The following MYO6 variants were observed in gnomAD, a reference collection of about 807,000 sequenced individuals.
MYO6 encodes the protein unconventional myosin-VI.
A neutral mutation model predicts 178.7 loss-of-function variants in MYO6; 74 were observed. The observed-to-expected ratio is 0.41, with a 90% CI of 0.34 to 0.50. The LOEUF is 0.50. Ranked by LOEUF, MYO6 falls within the 20% of genes least tolerant of loss-of-function variation. The pLI is 0.09. For synonymous variants in MYO6, 477 were observed against 504.6 expected, an observed-to-expected ratio of 0.95 and a Z score of 0.73; for missense variants, 1,330 against 1,547.4, an observed-to-expected ratio of 0.86 and a Z score of 2.36.
At chr6:75,887,345 TTAAAA>T (rs1583367740) in intron 25 of MYO6, among the ~76,000 whole-genome samples, 2 of 152,134 alleles carry the variant, frequency 1.3e-5, no homozygotes, top group South Asian at 2.1e-4. Context: ...ATCCCTGAAA[TTAAAA>T]TAAAAGTTGG....
intron 18 of MYO6, among the ~76,000 whole-genome samples, chr6:75,870,108 C>A (rs192515154): frequency 6.6e-6 from 1 of 150,646 alleles, no homozygotes; most frequent in Non-Finnish European, 1.5e-5. Flanking sequence ...AGCAAGACTC[C>A]GTCTCAAAAA....
rs1776720478 is a variant in MYO6, at chr6:75,866,612, C to T, written c.1761C>T (p.Cys587=). The change falls in exon 17 of 35, where the codon TGC becomes TGT. Residue 587 remains cysteine (C), a synonymous_variant. Coordinates refer to ENST00000369977, the MANE Select transcript of MYO6 (RefSeq NM_004999.4). ...TCAGGCATTTTGCGGGGGCAGTGTG[C>T]TATGAAACAGTGAGTATAACTTTTA... The part of the protein sequence containing the change: ...FIIRHFAGAV[C]YETTQFVEKN... 6.2e-7 allele frequency: 1 copy of T among 1,612,992 alleles called. No homozygotes were observed.
At chr6:75,767,715 C>T (rs1370366098) in intron 1 of MYO6, among the ~76,000 whole-genome samples, 2 of 151,796 alleles carry the variant, frequency 1.3e-5, no homozygotes, top group African/African-American at 4.8e-5. Flanking sequence ...AGGCTTTTGC[C>T]ATGTTGCTCA....
In MYO6 at chr6:75,892,555, G is replaced by T. The variant is rs529167250; in HGVS notation, c.2972G>T (p.Arg991Leu). 7.1e-5 allele frequency: 114 copies of T among 1,613,782 alleles called. 1 individual carries two copies. Among genetic ancestry groups the T allele is most frequent in the Middle Eastern group, 1.7e-4 (1 of 5,894 alleles). The change falls in exon 28 of 35, where the codon CGA becomes CTA. Residue 991 changes from arginine to leucine, a missense_variant. Arg to Leu is a moderately radical substitution (Grantham distance 102). Transcript: ENST00000369977. ...GCTGAAGTGGAGGCACAGCTGGCCC[G>T]ACAGAAGGAGGAGGAATCCCAACAG... is the stretch of plus-strand genomic sequence containing the variant. ...IQAEVEAQLA[R>L]QKEEESQQQA... is the part of the protein sequence containing the mutation.
At chr6:75,854,959 G>C (rs1424568556) in intron 11 of MYO6, among the ~76,000 whole-genome samples, 180 bp from the exon 12 acceptor site, 1 of 152,170 alleles carries the variant, frequency 6.6e-6, no homozygotes, top group Non-Finnish European at 1.5e-5. Flanking sequence ...ATCTTCTGTT[G>C]ATCTTAGCAG....
chr6:75,844,122 A>G lies in MYO6; in HGVS notation c.817-775A>G, dbSNP rs141874764. On this transcript the variant is annotated intron_variant, in intron 9 of 34. Transcript: ENST00000369977. Reference sequence around the variant, plus strand: ...AAATGCAGTACTTTTAGTCTACCGTATAGCAAATATGTTCATTCACTTTTT... The same window carrying G: ...AAATGCAGTACTTTTAGTCTACCGTGTAGCAAATATGTTCATTCACTTTTT... 6.0e-4 allele frequency among the ~76,000 whole-genome samples: 92 copies of G among 152,274 alleles called. 2 individuals carry two copies. Among genetic ancestry groups the G allele is most frequent in the African/African-American group, 2.1e-3 (88 of 41,582 alleles).
intron 1 of MYO6, among the ~76,000 whole-genome samples, chr6:75,758,248 T>G (rs1292089363): frequency 2.0e-5 from 3 of 152,086 alleles, no homozygotes; most frequent in African/African-American, 4.8e-5. Context: ...AACTTTTTCT[T>G]TATCTTTTGG....
At position 75,826,920 on chromosome 6, in the gene MYO6, GAAAA is replaced by G. The variant is rs980185367; in HGVS notation, c.188-1613_188-1610del. ...AGAGTGAGATTTTGTCTCAAAAAAAGAAAAAAAAAAGCAGTGAGGTGAAAGTGAA... is the reference window on the plus strand; with the variant it reads ...AGAGTGAGATTTTGTCTCAAAAAAAGAAAAAAGCAGTGAGGTGAAAGTGAA... On this transcript the variant is annotated intron_variant, in intron 3 of 34. Coordinates refer to ENST00000369977, the MANE Select transcript of MYO6 (RefSeq NM_004999.4). Among the ~76,000 whole-genome samples the G allele has an allele frequency of 1.2e-4, 18 of 146,556 alleles. 2 individuals carry two copies. The highest frequency in any genetic ancestry group is 1.1e-3 in the Admixed American group (16 of 14,762).
intron 1 of MYO6, among the ~76,000 whole-genome samples, chr6:75,773,506 C>T (rs1766088588): frequency 6.6e-6 from 1 of 152,192 alleles, no homozygotes; most frequent in Non-Finnish European, 1.5e-5. Flanking sequence ...CAGCTGCATT[C>T]AGAGGGATTT....
chr6:75,771,837 ACTTAT>A (rs769034245), intron 1 of MYO6, among the ~76,000 whole-genome samples: 34 of 152,186 alleles, frequency 2.2e-4, no homozygotes, highest in Non-Finnish European at 4.0e-4. Context: ...CAGTTCAATT[ACTTAT>A]CTTTTTTAAA....
intron 1 of MYO6, among the ~76,000 whole-genome samples, chr6:75,811,292 G>A (rs1770678583): frequency 6.6e-6 from 1 of 152,096 alleles, no homozygotes; most frequent in Non-Finnish European, 1.5e-5. Flanking sequence ...AGTATAATTT[G>A]GGTTGGTTTT....
intron 1 of MYO6, among the ~76,000 whole-genome samples, chr6:75,768,469 T>C (rs1778634064): frequency 6.7e-6 from 1 of 149,360 alleles, no homozygotes; most frequent in Non-Finnish European, 1.5e-5. Context: ...CAACCTCCGC[T>C]TCCTGGGCTC....
chr6:75,903,924 T>G (rs1320775057), intron 30 of MYO6, among the ~76,000 whole-genome samples: 2 of 151,546 alleles, frequency 1.3e-5, no homozygotes, highest in Non-Finnish European at 3.0e-5. Flanking sequence ...GCAGGCCTGG[T>G]GGTGACAAAA....
At position 75,873,207 on chromosome 6, in the gene MYO6, G is replaced by A. The variant is rs1375510230; in HGVS notation, c.1984G>A (p.Gly662Arg). Reference sequence around the variant, plus strand: ...ACAAAAAGTACCTTTATTTTCCTAGGGAGCAAGCTTTATTCGTTGCATCAA... The same window carrying A: ...ACAAAAAGTACCTTTATTTTCCTAGAGAGCAAGCTTTATTCGTTGCATCAA... ...NLLLDKLRST[G>R]ASFIRCIKPN... Residue 662 changes from glycine (G) to arginine (R), a missense_variant and splice_region_variant, in exon 20 of 35, where the codon GGA becomes AGA. Gly to Arg is a moderately radical substitution (Grantham distance 125). This residue lies in a region of MYO6 where 613 missense variants were observed against 816.8 expected (regional missense o/e 0.75). Coordinates refer to ENST00000369977, the MANE Select transcript of MYO6 (RefSeq NM_004999.4). 1.9e-6 allele frequency: 3 copies of A among 1,613,234 alleles called. No homozygotes were observed. In the African/African-American group the frequency reaches 4.0e-5, roughly 22 times the overall value.
At chr6:75,809,197 G>A (rs1770420305) in intron 1 of MYO6, among the ~76,000 whole-genome samples, 1 of 152,216 alleles carries the variant, frequency 6.6e-6, no homozygotes, top group South Asian at 2.1e-4. Flanking sequence ...ATGGGAGGCA[G>A]GCCTGCCTGA....
intron 1 of MYO6, among the ~76,000 whole-genome samples, chr6:75,812,352 G>C (rs1477952835): frequency 1.3e-5 from 2 of 152,118 alleles, no homozygotes; most frequent in Middle Eastern, 3.4e-3. Context: ...TGTATATTAT[G>C]GGGTACATGA....
chr6:75,868,665 A>G (rs937017749), intron 18 of MYO6, among the ~76,000 whole-genome samples: 2 of 152,162 alleles, frequency 1.3e-5, no homozygotes, highest in South Asian at 2.1e-4. Context: ...AAATAGGAAT[A>G]GATTCCTAGT....
At position 75,817,651 on chromosome 6, in the gene MYO6, A is replaced by T; in HGVS notation, c.104A>T (p.Asn35Ile). 6.2e-7 allele frequency: 1 copy of T among 1,613,812 alleles called. No individual in the cohort carries two copies. Reference sequence around the variant, plus strand: ...GACAGCTTAACAATTGAACCCTTGAATCAGAAAGGCAAGGTGAGTTTCTCA... The same window carrying T: ...GACAGCTTAACAATTGAACCCTTGATTCAGAAAGGCAAGGTGAGTTTCTCA... ...GPDSLTIEPL[N>I]QKGKTFLALI... The change falls in exon 2 of 35, where the codon AAT (asparagine) becomes ATT (isoleucine). Residue 35 changes from asparagine to isoleucine, a missense_variant. By Grantham distance (149) the Asn-to-Ile change is moderately radical. Transcript: ENST00000369977.
In MYO6 at chr6:75,909,240, C is replaced by T. The variant is rs1780582021; in HGVS notation, c.3412+613C>T. Among the ~76,000 whole-genome samples the T allele has an allele frequency of 5.3e-5, 8 of 152,132 alleles. 1 individual carries two copies. In the South Asian group the frequency reaches 1.7e-3, roughly 32 times the overall value. On this transcript the variant is annotated intron_variant, in intron 32 of 34. Coordinates refer to ENST00000369977, the MANE Select transcript of MYO6 (RefSeq NM_004999.4). ...GTAGCTCAGTTTTTAGAAATAGTTC[C>T]CTGAAATACCCAATATTGTTATCTT...
Sources: gnomAD v4.1 joint callset for allele counts (sites outside exome capture counted in the v4.1 genomes callset) on GRCh38, gnomAD v4.1.1 for gene constraint, gnomAD v4.1.1 regional missense constraint, MANE v1.5 for transcripts, NCBI Gene and HGNC (gene_info 2026-07-23, HGNC 2026-07-21) for gene names.